PCDHGB2: variants seen among roughly 807,000 people sequenced by gnomAD.
PCDHGB2 encodes protocadherin gamma-B2.
PCDHGB2 carries 55 observed loss-of-function variants against 59.3 expected under a neutral mutation model. That is an observed-to-expected ratio of 0.93 (90% confidence interval 0.75 to 1.16). The LOEUF (loss-of-function observed/expected upper bound fraction) is 1.16. PCDHGB2 is among the 50% of genes most tolerant of loss of function. PCDHGB2 has a pLI of 0.00. For missense variants in PCDHGB2, 1,228 were observed against 1,198.5 expected (o/e 1.02, Z -0.36); for synonymous variants, 516 against 512.0 (o/e 1.01, Z -0.11).
chr5:141,418,749 C>A, intron 1 of PCDHGB2: 1 of 1,613,866 alleles, frequency 6.2e-7, no homozygotes, highest in South Asian at 1.1e-5. Flanking sequence ...CTGGATTACA[C>A]TACAGGAAAC....
chr5:141,451,797 C>T (rs1207473455), intron 1 of PCDHGB2, among the ~76,000 whole-genome samples: 1 of 152,006 alleles, frequency 6.6e-6, no homozygotes, highest in African/African-American at 2.4e-5. Context: ...CAGAGAATTG[C>T]TTGAACCCAG....
At chr5:141,383,843 A>T in intron 1 of PCDHGB2, 1 of 1,613,970 alleles carries the variant, frequency 6.2e-7, no homozygotes, top group Non-Finnish European at 8.5e-7. Context: ...ACTGCCTTCT[A>T]TGAAATGGAG....
chr5:141,419,981 A>G (rs2096455772), intron 1 of PCDHGB2: 2 of 1,613,934 alleles, frequency 1.2e-6, no homozygotes, highest in East Asian at 2.2e-5. Flanking sequence ...CCTCGCGGTG[A>G]TTCTAGCTAT....
At chr5:141,403,786 A>G (rs1317253233) in intron 1 of PCDHGB2, 1 of 1,613,848 alleles carries the variant, frequency 6.2e-7, no homozygotes, top group African/African-American at 1.3e-5. Flanking sequence ...GAAAAGTGGC[A>G]TACAAATTCT....
At chr5:141,395,251 T>G (rs2093205315) in intron 1 of PCDHGB2, 2 of 1,557,062 alleles carry the variant, frequency 1.3e-6, no homozygotes, top group Non-Finnish European at 1.7e-6. Context: ...AGTTTAGTTC[T>G]TTGCTTGCTT....
At chr5:141,449,467 C>G (rs1356192128) in intron 1 of PCDHGB2, among the ~76,000 whole-genome samples, 1 of 150,842 alleles carries the variant, frequency 6.6e-6, no homozygotes, top group South Asian at 2.1e-4. Flanking sequence ...ATTAGCCAGG[C>G]CTGGTACCCC....
intron 1 of PCDHGB2, chr5:141,388,667 G>A (rs1561620639): frequency 1.2e-6 from 2 of 1,613,918 alleles, no homozygotes; most frequent in Non-Finnish European, 8.5e-7. Flanking sequence ...GGACCACGGT[G>A]CTACAGGTGA....
chr5:141,422,926 G>GC, intron 1 of PCDHGB2: 1 of 1,614,230 alleles, frequency 6.2e-7, no homozygotes, highest in African/African-American at 1.3e-5. Context: ...CCTGTACCCT[G>GC]CCCTCCCCAC....
chr5:141,443,167 C>T (rs745545091), intron 1 of PCDHGB2, among the ~76,000 whole-genome samples: 4 of 152,084 alleles, frequency 2.6e-5, no homozygotes, highest in Non-Finnish European at 5.9e-5. Flanking sequence ...TTTCCCTACC[C>T]ATGTCCACTG....
At chr5:141,442,759 A>G (rs2098341868) in intron 1 of PCDHGB2, among the ~76,000 whole-genome samples, 1 of 152,152 alleles carries the variant, frequency 6.6e-6, no homozygotes, top group Non-Finnish European at 1.5e-5. Flanking sequence ...GATTATATAT[A>G]TTTGTATGTG....
intron 2 of PCDHGB2, among the ~76,000 whole-genome samples, chr5:141,495,407 C>T: frequency 6.6e-6 from 1 of 152,218 alleles, no homozygotes; most frequent in East Asian, 1.9e-4. Flanking sequence ...AGGCCCCCTT[C>T]TCCGGCCCCT....
In PCDHGB2 at chr5:141,477,294, C is replaced by T. The variant is rs753131175; in HGVS notation, c.2422-17513C>T. ...GGGCTGGTGACCTGCGAAGTTCCAC[C>T]GGGTCTCCCTTTCAGCCTTACTTCT... is the stretch of plus-strand genomic sequence containing the variant. On this transcript the variant is annotated intron_variant, in intron 1 of 3. Transcript: ENST00000522605. The surrounding 1 kb of genome is among the most constrained non-coding windows in gnomAD (Gnocchi z 4.9). 4.3e-6 allele frequency: 7 copies of T among 1,614,142 alleles called. No individual in the cohort carries two copies. Among genetic ancestry groups the T allele is most frequent in the East Asian group, 4.5e-5 (2 of 44,872 alleles).
rs1411664231 is a variant in PCDHGB2 at position 141,390,362 on chromosome 5, GA to G, written c.2421+27810del. 3.9e-6 allele frequency: 6 copies of G among 1,532,890 alleles called. No individual in the cohort carries two copies. In the African/African-American group the frequency reaches 8.3e-5, roughly 21 times the overall value. 95.0% of individuals were successfully genotyped at this position (1,532,890 alleles called of 1,614,324 possible). ...CACAAGAAAATATACATATTTGCAG[GA>G]AAATATATAATTTTTAGATGTCATG... On this transcript the variant is annotated intron_variant, in intron 1 of 3. Coordinates refer to ENST00000522605, the MANE Select transcript of PCDHGB2 (RefSeq NM_018923.3).
chr5:141,431,736 G>T lies in PCDHGB2; in HGVS notation c.2422-63071G>T. On this transcript the variant is annotated intron_variant, in intron 1 of 3. Transcript: ENST00000522605. The surrounding 1 kb of genome is among the most constrained non-coding windows in gnomAD (Gnocchi z 4.8). ...GAAGTGCAAGCAATGGATAATGCAG[G>T]ATATTCTGCGCGAGCCAAAGTCCTG... 1 of 1,614,218 alleles carries T rather than the reference G, an allele frequency of 6.2e-7. No individual in the cohort carries two copies. The highest frequency in any genetic ancestry group is 8.5e-7 in the Non-Finnish European group (1 of 1,180,046).
intron 1 of PCDHGB2, chr5:141,409,421 G>C (rs1381290106): frequency 6.2e-7 from 1 of 1,614,044 alleles, no homozygotes; most frequent in South Asian, 1.1e-5. Context: ...ACTGGTGACA[G>C]ATGGAGCCCT....
rs751024373 is a variant in PCDHGB2, at chr5:141,491,801, G to A, written c.2422-3006G>A. On this transcript the variant is annotated intron_variant, in intron 1 of 3. Coordinates refer to ENST00000522605, the MANE Select transcript of PCDHGB2 (RefSeq NM_018923.3). The surrounding 1 kb of genome is among the most constrained non-coding windows in gnomAD (Gnocchi z 6.9). ...AACTTGCATCCACTCCTCTCCGGCC[G>A]GCTTGGTCGCTGGCTGCGCTCCACC... 2.7e-6 allele frequency: 4 copies of A among 1,500,726 alleles called. No homozygotes were observed. The Admixed American group carries it at 7.3e-5, about 28-fold the overall frequency. 93.0% of individuals were successfully genotyped at this position (1,500,726 alleles called of 1,614,324 possible). A position where few individuals can be genotyped will look rare whatever the true frequency, so the allele number is the denominator to read the frequency against.
At chr5:141,483,329 A>C (rs1463046335) in intron 1 of PCDHGB2, among the ~76,000 whole-genome samples, 3 of 152,182 alleles carry the variant, frequency 2.0e-5, no homozygotes, top group Non-Finnish European at 2.9e-5. Flanking sequence ...GGAGGCAAAG[A>C]GATCTTATCT....
chr5:141,473,887 C>T (rs887871337), intron 1 of PCDHGB2, among the ~76,000 whole-genome samples: 3 of 152,144 alleles, frequency 2.0e-5, no homozygotes, highest in Non-Finnish European at 2.9e-5. Context: ...CACAAGGGTT[C>T]TGTTGGTTCA....
chr5:141,413,453 G>A lies in PCDHGB2; in HGVS notation c.2421+50897G>A, dbSNP rs761986113. 1.9e-5 allele frequency: 31 copies of A among 1,613,986 alleles called. 2 individuals carry two copies. In the South Asian group the frequency reaches 3.1e-4, roughly 16 times the overall value. On this transcript the variant is annotated intron_variant, in intron 1 of 3. Coordinates refer to ENST00000522605, the MANE Select transcript of PCDHGB2 (RefSeq NM_018923.3). ...AGCGGCAGCTTGATCACCGCGGGCA[G>A]GATAGACCGGGAGGAGCTCTGCGCT...
Sources: allele counts gnomAD v4.1 joint callset (sites outside exome capture counted in the v4.1 genomes callset), GRCh38; gene constraint gnomAD v4.1.1; non-coding constraint Gnocchi (gnomAD v3.1); transcripts MANE v1.5; gene names NCBI Gene and HGNC (gene_info 2026-07-23, HGNC 2026-07-21).